The following DNAH5 variants were observed in gnomAD, a reference collection of about 807,000 sequenced individuals.
The protein encoded by DNAH5 is axonemal beta dynein heavy chain 5.
DNAH5 carries 372 observed loss-of-function variants against 518.2 expected under a neutral mutation model. The ratio of observed to expected loss-of-function variants is 0.72; its 90% CI spans 0.66 to 0.78. The LOEUF (loss-of-function observed/expected upper bound fraction) is 0.78, where lower values mean the gene tolerates loss of function less well. DNAH5 is among the 30% of genes least tolerant of loss of function. The pLI, the probability that DNAH5 is intolerant of heterozygous loss-of-function variation, is 0.00. For synonymous variants in DNAH5, 2,039 were observed against 2,025.9 expected (o/e 1.01, Z -0.17); for missense variants, 5,523 against 5,687.0 (o/e 0.97, Z 0.93).
Position 13,824,286 on chromosome 5 carries a change from G to C in DNAH5, c.6492C>G (p.Thr2164=). ...GLRNILSVLR[T]LGAAKRANPM... ...GATTGGCTCTTTTTGCTGCTCCCAA[G>C]GTCCGAAGAACTGACAGAATGTTAC... Residue 2164 remains threonine, a synonymous_variant, in exon 39 of 79, where the codon ACC becomes ACG. Coordinates refer to ENST00000265104, the MANE Select transcript of DNAH5 (RefSeq NM_001369.3). 1 of 1,614,032 alleles carries C rather than the reference G, an allele frequency of 6.2e-7. No individual in the cohort carries two copies. The highest frequency in any genetic ancestry group is 8.5e-7 in the Non-Finnish European group (1 of 1,179,978).
chr5:13,819,201 A>G (rs1470993447), intron 41 of DNAH5, among the ~76,000 whole-genome samples: 1 of 152,194 alleles, frequency 6.6e-6, no homozygotes, highest in East Asian at 1.9e-4. Flanking sequence ...GAAGAACACA[A>G]TTATTTAAGA....
intron 22 of DNAH5, 83 bp downstream of exon 22, chr5:13,876,601 A>G: frequency 6.5e-7 from 1 of 1,539,190 alleles, no homozygotes; most frequent in Non-Finnish European, 8.8e-7. Flanking sequence ...CAGGCTACAT[A>G]AAGGACAACT....
At chr5:13,774,857 T>C (rs1346849568) in intron 55 of DNAH5, among the ~76,000 whole-genome samples, 5 of 152,204 alleles carry the variant, frequency 3.3e-5, no homozygotes, top group Admixed American at 2.6e-4. Context: ...AAGAGCTTCA[T>C]ATGTAAATCA....
intron 52 of DNAH5, among the ~76,000 whole-genome samples, chr5:13,781,913 A>AG (rs1218176045): frequency 6.6e-6 from 1 of 151,616 alleles, no homozygotes. Flanking sequence ...TAGATGGGTC[A>AG]GGGGGGCCAC....
intron 55 of DNAH5, 87 bp from the exon 56 acceptor site, chr5:13,771,067 T>C (rs1561216171): frequency 8.0e-7 from 1 of 1,252,272 alleles, no homozygotes. Context: ...AACTTAGACA[T>C]TTCTTAGGAA....
At chr5:13,840,421 T>C (rs1765009992) in intron 34 of DNAH5, among the ~76,000 whole-genome samples, 1 of 152,208 alleles carries the variant, frequency 6.6e-6, no homozygotes, top group Non-Finnish European at 1.5e-5. Flanking sequence ...GTGTAACACC[T>C]GAATGTCAGA....
At chr5:13,837,466 G>A (rs1764549825) in intron 35 of DNAH5, among the ~76,000 whole-genome samples, 1 of 151,910 alleles carries the variant, frequency 6.6e-6, no homozygotes, top group East Asian at 1.9e-4. Context: ...GGGGGTGTTG[G>A]CTTTGGACAG....
At chr5:13,803,804 T>A (rs1017488835) in intron 47 of DNAH5, among the ~76,000 whole-genome samples, 2 of 152,014 alleles carry the variant, frequency 1.3e-5, no homozygotes, top group African/African-American at 4.8e-5. Flanking sequence ...CCAAAGCAAA[T>A]CCATGGTTAC....
chr5:13,977,771 G>C (rs1032070871), intron 1 of DNAH5, among the ~76,000 whole-genome samples: 2 of 152,196 alleles, frequency 1.3e-5, no homozygotes, highest in Non-Finnish European at 2.9e-5. Flanking sequence ...CTGGACATGA[G>C]AGATGAGCAG....
At chr5:13,926,221 G>C (rs1361557820) in intron 3 of DNAH5, among the ~76,000 whole-genome samples, 1 of 152,180 alleles carries the variant, frequency 6.6e-6, no homozygotes, top group Non-Finnish European at 1.5e-5. Flanking sequence ...GACAGAGTGA[G>C]CGAGACTGGT....
Position 13,862,721 on chromosome 5 carries a change from C to T in DNAH5, c.4623G>A (p.Glu1541=). 1 of 1,613,864 alleles carries T rather than the reference C, an allele frequency of 6.2e-7. No homozygotes were observed. The change falls in exon 29 of 79, where the codon GAG becomes GAA. Residue 1541 remains glutamate (E), a synonymous_variant. Transcript: ENST00000265104. The part of the protein sequence containing the change: ...IEDICISAVK[E]RDIEQKLKQV... ...GCTTCAGCTTTTGCTCAATGTCTCT[C>T]TCTTTCACCGCACTGATACAGATGT...
intron 24 of DNAH5, among the ~76,000 whole-genome samples, chr5:13,869,013 A>C (rs532667414): frequency 6.6e-6 from 1 of 152,168 alleles, no homozygotes; most frequent in Non-Finnish European, 1.5e-5. Context: ...GGTGGGAGAA[A>C]ATAGGATTGT....
chr5:13,978,300 A>C (rs1333638901), intron 1 of DNAH5, among the ~76,000 whole-genome samples: 1 of 152,192 alleles, frequency 6.6e-6, no homozygotes, highest in African/African-American at 2.4e-5. Context: ...TTTTTAGATG[A>C]GATTAACATT....
intron 75 of DNAH5, among the ~76,000 whole-genome samples, chr5:13,710,427 A>C (rs1345786660): frequency 6.6e-6 from 1 of 152,190 alleles, no homozygotes; most frequent in East Asian, 1.9e-4. Flanking sequence ...CACCTCAAGG[A>C]ACTAGAGAAA....
intron 27 of DNAH5, 35 bp from the exon 28 acceptor site, chr5:13,864,672 A>G (rs923025875): frequency 2.5e-6 from 4 of 1,613,376 alleles, no homozygotes; most frequent in Non-Finnish European, 3.4e-6. Flanking sequence ...GGCCATTGAA[A>G]TATGATGGTA....
Position 13,841,887 on chromosome 5 carries a change from C to G in DNAH5, c.5289G>C (p.Leu1763=). ...KFHEKIYDRI[L]SISSQEGETI... ...TCTCACCCTCTTGAGAGGAAATTGA[C>G]AGAATTCGATCATAGATCTATGTTA... The change falls in exon 33 of 79, where the codon CTG becomes CTC. Residue 1763 remains leucine (L), a synonymous_variant. Coordinates refer to ENST00000265104, the MANE Select transcript of DNAH5 (RefSeq NM_001369.3). 8.8e-7 allele frequency: 1 copy of G among 1,135,070 alleles called. No homozygotes were observed. The highest frequency in any genetic ancestry group is 1.2e-6 in the Non-Finnish European group (1 of 821,022). 70.3% of individuals were successfully genotyped at this position (1,135,070 alleles called of 1,614,324 possible). A position where few individuals can be genotyped will look rare whatever the true frequency, so the allele number is the denominator to read the frequency against.
At chr5:13,720,872 C>T (rs778292110) in intron 71 of DNAH5, 128 bp downstream of exon 71, 109 of 1,119,452 alleles carry the variant, frequency 9.7e-5, no homozygotes, top group Non-Finnish European at 1.2e-4. Context: ...AAAAAAAAAA[C>T]GCTGTTTAGT....
chr5:13,963,149 A>G (rs1431314022), intron 1 of DNAH5, among the ~76,000 whole-genome samples: 1 of 152,116 alleles, frequency 6.6e-6, no homozygotes, highest in Non-Finnish European at 1.5e-5. Context: ...ATATTTGCTC[A>G]TTTCTTCTTG....
At chr5:13,937,148 T>C (rs1778996817) in intron 1 of DNAH5, among the ~76,000 whole-genome samples, 1 of 151,850 alleles carries the variant, frequency 6.6e-6, no homozygotes, top group African/African-American at 2.4e-5. Flanking sequence ...AAGCCCTTGC[T>C]GTCCACAGGA....
Sources: allele counts gnomAD v4.1 joint callset (sites outside exome capture counted in the v4.1 genomes callset), GRCh38; gene constraint gnomAD v4.1.1; transcripts MANE v1.5; gene names NCBI Gene and HGNC (gene_info 2026-07-23, HGNC 2026-07-21).